PHYHIPL: variants seen among roughly 807,000 people sequenced by gnomAD.
PHYHIPL encodes the protein phytanoyl-CoA 2-hydroxylase interacting protein like.
PHYHIPL carries 9 observed loss-of-function variants against 33.4 expected under a neutral mutation model. The observed-to-expected ratio is 0.27, with a 90% CI of 0.16 to 0.47. The LOEUF is 0.47. Ranked by LOEUF, PHYHIPL falls within the 20% of genes least tolerant of loss-of-function variation. The pLI is 0.99. For missense variants in PHYHIPL, 365 were observed against 460.7 expected (o/e 0.79, Z 1.90); for synonymous variants, 153 against 154.1 (o/e 0.99, Z 0.05).
intron 1 of PHYHIPL, among the ~76,000 whole-genome samples, chr10:59,198,891 T>C (rs1409831061): frequency 1.3e-5 from 2 of 152,222 alleles, no homozygotes; most frequent in Non-Finnish European, 2.9e-5. Context: ...TGCCCACTTT[T>C]TGATGGGTTT....
At chr10:59,206,771 AC>A (rs1324526119) in intron 1 of PHYHIPL, 3 of 1,233,036 alleles carry the variant, frequency 2.4e-6, no homozygotes, top group Non-Finnish European at 3.1e-6. Context: ...TGAAGAACTT[AC>A]ATCCAAACAG....
Position 59,245,315 on chromosome 10 carries a change from T to C in PHYHIPL, c.855T>C (p.Ile285=). 1 of 1,614,202 alleles carries C rather than the reference T, an allele frequency of 6.2e-7. No homozygotes were observed. Among genetic ancestry groups the C allele is most frequent in the Non-Finnish European group, 8.5e-7 (1 of 1,180,024 alleles). ...YTAYHYVILV[I]APVGSPGDEF... is the part of the protein sequence containing the mutation. ...CTTATCATTATGTGATTCTTGTTAT[T>C]GCTCCTGTGGGATCACCAGGAGATG... is the stretch of plus-strand genomic sequence containing the variant. Residue 285 remains isoleucine, a synonymous_variant, in exon 5 of 5, where the codon ATT becomes ATC. Transcript: ENST00000373880.
At chr10:59,237,625 G>A (rs892469878) in intron 3 of PHYHIPL, among the ~76,000 whole-genome samples, 8 of 151,726 alleles carry the variant, frequency 5.3e-5, no homozygotes, top group Admixed American at 1.3e-4. Context: ...TCTGAACATC[G>A]AATTCATTCA....
At chr10:59,242,342 CT>C (rs773415803) in intron 4 of PHYHIPL, among the ~76,000 whole-genome samples, 36 of 152,236 alleles carry the variant, frequency 2.4e-4, no homozygotes, top group Non-Finnish European at 4.3e-4. Context: ...TCACCGGAGA[CT>C]GAGTAGGAAA....
rs371742234 is a variant in PHYHIPL at position 59,238,252 on chromosome 10, A to G, written c.479-336A>G. ...TAAGCTTCTTTTATTCAGTTTATCAACTGGTTGAAGAAAAGCTAGTATGGT... is the reference window on the plus strand; with the variant it reads ...TAAGCTTCTTTTATTCAGTTTATCAGCTGGTTGAAGAAAAGCTAGTATGGT... On this transcript the variant is annotated intron_variant, in intron 3 of 4. Transcript: ENST00000373880. 9.2e-5 allele frequency among the ~76,000 whole-genome samples: 14 copies of G among 152,066 alleles called. No homozygotes were observed. The East Asian group carries it at 1.9e-3, about 21-fold the overall frequency.
chr10:59,196,187 CTG>C (rs1298310665), intron 1 of PHYHIPL, among the ~76,000 whole-genome samples: 1 of 151,950 alleles, frequency 6.6e-6, no homozygotes, highest in Non-Finnish European at 1.5e-5. Context: ...CATTGAATTG[CTG>C]TGTCACAAAA....
At chr10:59,182,225 G>A (rs528638309) in intron 1 of PHYHIPL, among the ~76,000 whole-genome samples, 8 of 151,704 alleles carry the variant, frequency 5.3e-5, no homozygotes, top group Non-Finnish European at 8.8e-5. Flanking sequence ...CCTCCTTCTT[G>A]GATTTATTTT....
intron 1 of PHYHIPL, among the ~76,000 whole-genome samples, chr10:59,207,002 A>G (rs1038812366): frequency 9.9e-5 from 15 of 152,222 alleles, no homozygotes; most frequent in Admixed American, 1.3e-4. Context: ...TTCTCAATGA[A>G]TGATAGGCTA....
intron 1 of PHYHIPL, among the ~76,000 whole-genome samples, chr10:59,200,378 A>G (rs1564705763): frequency 1.3e-5 from 2 of 152,090 alleles, no homozygotes; most frequent in Non-Finnish European, 1.5e-5. Flanking sequence ...TGCGTATGTT[A>G]AACCAGCCTT....
At chr10:59,189,808 G>T (rs1838732460) in intron 1 of PHYHIPL, among the ~76,000 whole-genome samples, 1 of 151,930 alleles carries the variant, frequency 6.6e-6, no homozygotes, top group African/African-American at 2.4e-5. Flanking sequence ...ATAAAAATTT[G>T]CCAGAAGAAA....
Position 59,236,667 on chromosome 10 carries a change from C to A in PHYHIPL, c.478+10C>A. ...GAATTCTGCACCGCAGGTAAGAGAA[C>A]TAGGTACAAATATAGAAAAGCTTTA... On this transcript the variant is annotated intron_variant, in intron 3 of 4. Coordinates refer to ENST00000373880, the MANE Select transcript of PHYHIPL (RefSeq NM_032439.4). 1 of 1,578,212 alleles carries A rather than the reference C, an allele frequency of 6.3e-7. No homozygotes were observed. The highest frequency in any genetic ancestry group is 8.6e-7 in the Non-Finnish European group (1 of 1,162,636).
At position 59,242,671 on chromosome 10, in the gene PHYHIPL, A is replaced by T. The variant is rs192092536; in HGVS notation, c.597-2386A>T. On this transcript the variant is annotated intron_variant, in intron 4 of 4. Transcript: ENST00000373880. ...CAAGAAGCACATACTAACACACTTGAAACACATAAAAACGGAAGCAGCAAA... is the reference window on the plus strand; with the variant it reads ...CAAGAAGCACATACTAACACACTTGTAACACATAAAAACGGAAGCAGCAAA... Among the ~76,000 whole-genome samples, 510 of 152,310 alleles carry T rather than the reference A, an allele frequency of 3.3e-3. 5 individuals are homozygous for T. Among genetic ancestry groups the T allele is most frequent in the African/African-American group, 8.6e-3 (357 of 41,580 alleles).
chr10:59,188,207 C>T (rs1429005831), intron 1 of PHYHIPL, among the ~76,000 whole-genome samples: 2 of 152,036 alleles, frequency 1.3e-5, no homozygotes, highest in Non-Finnish European at 2.9e-5. Flanking sequence ...TTATTTCTGC[C>T]TTCATTTTGT....
intron 1 of PHYHIPL, among the ~76,000 whole-genome samples, chr10:59,183,858 G>A (rs1035602446): frequency 1.3e-5 from 2 of 152,160 alleles, no homozygotes; most frequent in African/African-American, 4.8e-5. Flanking sequence ...GTTTTCTATA[G>A]CCTGTGGGAA....
At position 59,246,579 on chromosome 10, in the gene PHYHIPL, G is replaced by T. The variant is rs191350440; in HGVS notation, c.*988G>T. 3.3e-5 allele frequency: 13 copies of T among 396,716 alleles called. No individual in the cohort carries two copies. The highest frequency in any genetic ancestry group is 1.8e-4 in the Admixed American group (4 of 22,672). 24.6% of individuals were successfully genotyped at this position (396,716 alleles called of 1,614,324 possible). On this transcript the variant is annotated 3_prime_UTR_variant, in exon 5 of 5. Coordinates refer to ENST00000373880, the MANE Select transcript of PHYHIPL (RefSeq NM_032439.4). ...AAATGAAAATAATAAACATGTTTTCGTATAAAATAACACAAAATGATATAC... is the reference window on the plus strand; with the variant it reads ...AAATGAAAATAATAAACATGTTTTCTTATAAAATAACACAAAATGATATAC...
At chr10:59,231,319 G>GA (rs1278960125) in intron 1 of PHYHIPL, among the ~76,000 whole-genome samples, 2 of 151,778 alleles carry the variant, frequency 1.3e-5, no homozygotes, top group Non-Finnish European at 2.9e-5. Context: ...GCCCCTCAAG[G>GA]AAAAAAATCC....
chr10:59,206,420 G>A (rs12217662), intron 1 of PHYHIPL, among the ~76,000 whole-genome samples: 1 of 152,146 alleles, frequency 6.6e-6, no homozygotes, highest in Non-Finnish European at 1.5e-5. Context: ...CTCGTGATTG[G>A]CATCGCTGCT....
intron 1 of PHYHIPL, among the ~76,000 whole-genome samples, chr10:59,190,668 C>A (rs748076992): frequency 5.3e-4 from 80 of 151,890 alleles, no homozygotes; most frequent in Non-Finnish European, 9.6e-4. Flanking sequence ...TGAATTTCTT[C>A]AGCTTATTAA....
intron 1 of PHYHIPL, among the ~76,000 whole-genome samples, chr10:59,189,515 T>G (rs927219530): frequency 1.3e-5 from 2 of 152,014 alleles, no homozygotes; most frequent in African/African-American, 4.8e-5. Flanking sequence ...AAGAGTCTAC[T>G]TTGTTTTCTT....
Sources: gnomAD v4.1 joint callset for allele counts (sites outside exome capture counted in the v4.1 genomes callset) on GRCh38, gnomAD v4.1.1 for gene constraint, MANE v1.5 for transcripts, NCBI Gene and HGNC (gene_info 2026-07-23, HGNC 2026-07-21) for gene names.